The following SYMPK variants were observed in gnomAD, a reference collection of about 807,000 sequenced individuals.
SYMPK encodes the protein symplekin scaffold protein, also known as symplekin.
SYMPK carries 49 observed loss-of-function variants against 136.4 expected under a neutral mutation model. That is an observed-to-expected ratio of 0.36 (90% CI 0.29 to 0.46). The LOEUF (loss-of-function observed/expected upper bound fraction) is 0.46. SYMPK is among the 20% of genes least tolerant of loss of function. SYMPK has a pLI of 1.00. For missense variants in SYMPK, 1,365 were observed against 1,690.0 expected (o/e 0.81, Z 3.37); for synonymous variants, 766 against 713.0 (o/e 1.07, Z -1.19).
chr19:45,835,252 C>T, intron 10 of SYMPK, 24 bp from the exon 11 acceptor site: 1 of 1,549,622 alleles, frequency 6.5e-7, no homozygotes, highest in Non-Finnish European at 8.7e-7. Context: ...AGGAAGAGAG[C>T]CTCTCCTTAA....
intron 1 of SYMPK, among the ~76,000 whole-genome samples, chr19:45,857,615 C>T (rs2146348070): frequency 6.6e-6 from 1 of 150,990 alleles, no homozygotes; most frequent in East Asian, 2.0e-4. Context: ...CCTCAGCCTC[C>T]CCAGTAGCTG....
At chr19:45,861,551 C>T (rs1452613955) in intron 1 of SYMPK, among the ~76,000 whole-genome samples, 2 of 152,056 alleles carry the variant, frequency 1.3e-5, no homozygotes, top group African/African-American at 2.4e-5. Context: ...CCAGCCTGAC[C>T]AACATGGTGA....
Position 45,815,502 on chromosome 19 carries a change from C to A in SYMPK, c.*58G>T. 1 of 1,032,440 alleles carries A rather than the reference C, an allele frequency of 9.7e-7. No individual in the cohort carries two copies. The highest frequency in any genetic ancestry group is 1.3e-6 in the Non-Finnish European group (1 of 750,164). 64.0% of individuals were successfully genotyped at this position (1,032,440 alleles called of 1,614,324 possible). ...AAGGCAAAGCACCCGCAGGTCAAGC[C>A]CCGCCCCGTCCCCCAGCCCCGAGTC... On this transcript the variant is annotated 3_prime_UTR_variant, in exon 27 of 27. Coordinates refer to ENST00000245934, the MANE Select transcript of SYMPK (RefSeq NM_004819.3).
chr19:45,820,835 C>T (rs1970871507), intron 22 of SYMPK: 1 of 426,428 alleles, frequency 2.3e-6, no homozygotes, highest in Non-Finnish European at 4.2e-6. Context: ...AGTGAACATA[C>T]CCACCAAGTG....
chr19:45,828,625 A>C, intron 14 of SYMPK: 1 of 284,172 alleles, frequency 3.5e-6, no homozygotes. Context: ...CAACTCAGGT[A>C]GTGAATGGGG....
rs1347004659 is a variant in SYMPK at position 45,816,981 on chromosome 19, CAGGG to C, written c.3082-11_3082-8del. On this transcript the variant is annotated splice_region_variant and splice_polypyrimidine_tract_variant and intron_variant, in intron 23 of 26. Coordinates refer to ENST00000245934, the MANE Select transcript of SYMPK (RefSeq NM_004819.3). ...CCTTGGGGTACTTCCACACCTGAAC[CAGGG>C]AGGGAGGGAGCCGTCGGGAGAGGCA... The C allele has an allele frequency of 1.3e-6, 2 of 1,556,876 alleles. No homozygotes were observed. The highest frequency in any genetic ancestry group is 1.2e-5 in the South Asian group (1 of 84,398).
At chr19:45,826,511 G>A (rs1971047282) in intron 16 of SYMPK, 138 bp from the exon 17 acceptor site, 2 of 903,608 alleles carry the variant, frequency 2.2e-6, no homozygotes, top group South Asian at 1.6e-5. Context: ...CAGGGCCCAG[G>A]GCTGGTCCCC....
In SYMPK at chr19:45,829,213, G is replaced by A. The variant is rs774955383; in HGVS notation, c.1750-8C>T. 2 of 1,610,710 alleles carry A rather than the reference G, an allele frequency of 1.2e-6. No homozygotes were observed. On this transcript the variant is annotated splice_polypyrimidine_tract_variant and splice_region_variant and intron_variant, in intron 13 of 26. Coordinates refer to ENST00000245934, the MANE Select transcript of SYMPK (RefSeq NM_004819.3). ...CAGGATCTTTATGCGGACCTGGTGGGAGGGTGAGCCAGCATGTCAGTGTAG... is the reference window on the plus strand; with the variant it reads ...CAGGATCTTTATGCGGACCTGGTGGAAGGGTGAGCCAGCATGTCAGTGTAG...
chr19:45,829,068 G>A lies in SYMPK; in HGVS notation c.1887C>T (p.Ala629=), dbSNP rs767787118. Residue 629 remains alanine (A), a synonymous_variant, in exon 14 of 27, where the codon GCC becomes GCT. Coordinates refer to ENST00000245934, the MANE Select transcript of SYMPK (RefSeq NM_004819.3). ...AFAWLYQEYN[A]YLAAGASGSL... ...AGCCCGAGGCACCTGCGGCCAGGTA[G>A]GCGTTGTACTCCTGGTAGAGCCAGG... is the stretch of plus-strand genomic sequence containing the variant. 1.2e-6 allele frequency: 2 copies of A among 1,614,224 alleles called. No individual in the cohort carries two copies. Among genetic ancestry groups the A allele is most frequent in the Admixed American group, 1.7e-5 (1 of 60,028 alleles).
At chr19:45,816,688 C>A in intron 24 of SYMPK, 110 bp downstream of exon 24, 1 of 1,518,148 alleles carries the variant, frequency 6.6e-7, no homozygotes, top group Non-Finnish European at 8.8e-7. Context: ...CAGTGCAGGG[C>A]CTTCTTGTGT....
At position 45,821,184 on chromosome 19, in the gene SYMPK, A is replaced by G. The variant is rs879692978; in HGVS notation, c.2893+200T>C. 6.1e-5 allele frequency: 32 copies of G among 521,316 alleles called. No individual in the cohort carries two copies. The highest frequency in any genetic ancestry group is 8.5e-5 in the Non-Finnish European group (23 of 271,846). 32.3% of individuals were successfully genotyped at this position (521,316 alleles called of 1,614,324 possible). A position where few individuals can be genotyped will look rare whatever the true frequency, so the allele number is the denominator to read the frequency against. On this transcript the variant is annotated intron_variant, in intron 22 of 26. Coordinates refer to ENST00000245934, the MANE Select transcript of SYMPK (RefSeq NM_004819.3). The surrounding 1 kb of genome is among the most constrained non-coding windows in gnomAD (Gnocchi z 4.4). ...TAAAGGGTAAAACCTGGGAGGAAGG[A>G]AGGAGGAGGGAGGGAGGGAGGGAGG...
At chr19:45,842,178 C>A in intron 9 of SYMPK, 72 bp downstream of exon 9, 3 of 1,591,366 alleles carry the variant, frequency 1.9e-6, no homozygotes, top group Non-Finnish European at 2.6e-6. Flanking sequence ...AATACAAATT[C>A]AGCATAGTTT....
At chr19:45,840,030 C>T (rs1971397995) in intron 9 of SYMPK, among the ~76,000 whole-genome samples, 1 of 152,088 alleles carries the variant, frequency 6.6e-6, no homozygotes, top group African/African-American at 2.4e-5. Context: ...AACAATGGGA[C>T]ACCATGTGCC....
At position 45,816,323 on chromosome 19, in the gene SYMPK, C is replaced by T. The variant is rs887752926; in HGVS notation, c.3355-140G>A. On this transcript the variant is annotated intron_variant, in intron 25 of 26. Transcript: ENST00000245934. ...GGAAGGGGCAGTTGTCCCCCAGACC[C>T]CCAACTCCCAGCAGGAGCATCCCCT... 3.4e-6 allele frequency: 4 copies of T among 1,193,806 alleles called. No individual in the cohort carries two copies. The African/African-American group carries it at 4.6e-5, about 14-fold the overall frequency. 74.0% of individuals were successfully genotyped at this position (1,193,806 alleles called of 1,614,324 possible).
Position 45,821,563 on chromosome 19 carries a change from CG to C in SYMPK, c.2792-79del. On this transcript the variant is annotated intron_variant, in intron 21 of 26. Coordinates refer to ENST00000245934, the MANE Select transcript of SYMPK (RefSeq NM_004819.3). This position sits in a 1 kb window ranked among gnomAD's most constrained non-coding sequence, Gnocchi z 4.4. ...AGAGATGGGTCTGAGTTCCCCAGAT[CG>C]GGGGAGCTGCGAGCAAAGATGAGGT... The C allele has an allele frequency of 1.0e-6, 1 of 962,142 alleles. No individual in the cohort carries two copies. Among genetic ancestry groups the C allele is most frequent in the Non-Finnish European group, 1.6e-6 (1 of 620,222 alleles). 59.6% of individuals were successfully genotyped at this position (962,142 alleles called of 1,614,324 possible).
intron 1 of SYMPK, among the ~76,000 whole-genome samples, chr19:45,857,434 A>C (rs1029511784): frequency 4.2e-5 from 6 of 142,734 alleles, no homozygotes; most frequent in Non-Finnish European, 7.7e-5. Context: ...AAAAAAAAAA[A>C]CACACACTAA....
At position 45,825,212 on chromosome 19, in the gene SYMPK, C is replaced by T. The variant is rs758416084; in HGVS notation, c.2449G>A (p.Ala817Thr). ...CTCAGCACCGTCCGCTTGATGTCGG[C>T]GATGGCTTCAGTGTACACGGCCGCC... ...ELAAVYTEAIADIKRTVLRVI... is the reference protein window; with the variant it reads ...ELAAVYTEAITDIKRTVLRVI... The change falls in exon 18 of 27, where the codon GCC becomes ACC. Residue 817 changes from alanine (A) to threonine (T), a missense_variant. Coordinates refer to ENST00000245934, the MANE Select transcript of SYMPK (RefSeq NM_004819.3). 2 of 1,614,050 alleles carry T rather than the reference C, an allele frequency of 1.2e-6. No individual in the cohort carries two copies. The highest frequency in any genetic ancestry group is 1.1e-5 in the South Asian group (1 of 91,076).
intron 3 of SYMPK, among the ~76,000 whole-genome samples, chr19:45,853,614 A>C (rs1971745697): frequency 1.0e-5 from 1 of 95,544 alleles, no homozygotes. Flanking sequence ...ACTCTGCCTC[A>C]AAAAAAAAAA....
intron 5 of SYMPK, among the ~76,000 whole-genome samples, chr19:45,849,290 C>T (rs1451820412): frequency 1.3e-5 from 2 of 152,172 alleles, no homozygotes; most frequent in African/African-American, 2.4e-5. Flanking sequence ...AAAAAGCATT[C>T]GGTAAACACC....
Sources: allele counts gnomAD v4.1 joint callset (sites outside exome capture counted in the v4.1 genomes callset), GRCh38; gene constraint gnomAD v4.1.1; non-coding constraint Gnocchi (gnomAD v3.1); transcripts MANE v1.5; gene names NCBI Gene and HGNC (gene_info 2026-07-23, HGNC 2026-07-21).